Variants in MACROD2 observed in about 807,000 individuals in gnomAD.
MACROD2 encodes ADP-ribose glycohydrolase MACROD2.
A neutral mutation model predicts 70.4 loss-of-function variants in MACROD2; 36 were observed. The observed-to-expected ratio is 0.51, with a 90% CI of 0.39 to 0.68. The LOEUF is 0.68. MACROD2 is among the 30% of genes least tolerant of loss of function. The pLI is 0.00. For missense variants in MACROD2, 496 were observed against 538.4 expected (o/e 0.92, Z 0.78); for synonymous variants, 172 against 178.8 (o/e 0.96, Z 0.30).
chr20:14,001,774 G>A (rs1012884752), intron 1 of MACROD2, among the ~76,000 whole-genome samples: 2 of 152,012 alleles, frequency 1.3e-5, no homozygotes, highest in South Asian at 2.1e-4. Flanking sequence ...GGCACTTCAC[G>A]TGGCAAGAAC....
chr20:15,945,784 A>G (rs1386735549), intron 12 of MACROD2, among the ~76,000 whole-genome samples: 1 of 152,208 alleles, frequency 6.6e-6, no homozygotes, highest in Non-Finnish European at 1.5e-5. Context: ...CCCAAAAGCT[A>G]GAACCAGAAT....
intron 5 of MACROD2, among the ~76,000 whole-genome samples, chr20:14,956,534 C>A (rs2074538524): frequency 6.6e-6 from 1 of 151,954 alleles, no homozygotes; most frequent in Non-Finnish European, 1.5e-5. Flanking sequence ...ACCATGCCAC[C>A]CTGTGCTGTT....
rs1446092504 is a variant in MACROD2, at chr20:16,050,164, G to C, written c.*288G>C. On this transcript the variant is annotated 3_prime_UTR_variant, in exon 18 of 18. Coordinates refer to ENST00000684519, the MANE Select transcript of MACROD2 (RefSeq NM_001351661.2). Reference sequence around the variant, plus strand: ...TTTTCTCTTACAACTTTGCCCCAGGGTCACAGTGGCTTGATTGAACACTCA... The same window carrying C: ...TTTTCTCTTACAACTTTGCCCCAGGCTCACAGTGGCTTGATTGAACACTCA... 3.5e-6 allele frequency: 1 copy of C among 286,236 alleles called. No individual in the cohort carries two copies. The highest frequency in any genetic ancestry group is 2.2e-5 in the African/African-American group (1 of 45,414). The allele number at this position is 286,236 out of a possible 1,614,324, so 17.7% of individuals were successfully genotyped here. A position where few individuals can be genotyped will look rare whatever the true frequency, so the allele number is the denominator to read the frequency against.
chr20:14,355,456 G>A (rs1166719405), intron 3 of MACROD2, among the ~76,000 whole-genome samples: 1 of 152,122 alleles, frequency 6.6e-6, no homozygotes, highest in Non-Finnish European at 1.5e-5. Flanking sequence ...TAAGAAAGAC[G>A]TTCAGTGTAG....
intron 3 of MACROD2, among the ~76,000 whole-genome samples, chr20:14,197,738 G>A (rs2081444884): frequency 6.6e-6 from 1 of 151,694 alleles, no homozygotes; most frequent in African/African-American, 2.4e-5. Flanking sequence ...CTGCATTCCA[G>A]CCTGGGTGAC....
chr20:15,088,419 A>T (rs1235570034), intron 5 of MACROD2, among the ~76,000 whole-genome samples: 1 of 30,026 alleles, frequency 3.3e-5, no homozygotes, highest in African/African-American at 9.2e-5. Flanking sequence ...ATATATATAT[A>T]TATATATATA....
intron 4 of MACROD2, among the ~76,000 whole-genome samples, chr20:14,618,473 G>A (rs1038518067): frequency 5.9e-5 from 9 of 152,118 alleles, no homozygotes; most frequent in Non-Finnish European, 1.3e-4. Context: ...GATTACCCGA[G>A]TTAACTTGGG....
intron 5 of MACROD2, among the ~76,000 whole-genome samples, chr20:15,005,236 G>A (rs1470382105): frequency 1.3e-5 from 2 of 152,102 alleles, no homozygotes; most frequent in African/African-American, 4.8e-5. Flanking sequence ...GAAGAGACTG[G>A]AATTTCCTAT....
chr20:14,244,529 C>G (rs1259910479), intron 3 of MACROD2, among the ~76,000 whole-genome samples: 2 of 152,154 alleles, frequency 1.3e-5, no homozygotes, highest in Admixed American at 6.5e-5. Context: ...AGATTTGGAA[C>G]CTGGCATGAA....
intron 5 of MACROD2, chr20:14,905,140 C>G (rs542702097): frequency 6.6e-6 from 1 of 152,182 alleles, no homozygotes; most frequent in South Asian, 2.1e-4. Flanking sequence ...AGAAATACCA[C>G]AGAGTGATAT....
intron 8 of MACROD2, among the ~76,000 whole-genome samples, chr20:15,793,460 T>G (rs1409447908): frequency 6.6e-6 from 1 of 152,204 alleles, no homozygotes; most frequent in Non-Finnish European, 1.5e-5. Flanking sequence ...TATATGTATT[T>G]CTTTTGTTTT....
intron 3 of MACROD2, among the ~76,000 whole-genome samples, chr20:14,223,990 G>C (rs117895850): frequency 6.6e-6 from 1 of 152,142 alleles, no homozygotes. Flanking sequence ...AAGGTGATCC[G>C]TTGGCAGAAT....
At chr20:15,302,028 G>A (rs559021868) in intron 6 of MACROD2, among the ~76,000 whole-genome samples, 1 of 152,082 alleles carries the variant, frequency 6.6e-6, no homozygotes, top group Non-Finnish European at 1.5e-5. Flanking sequence ...CTGACAATCT[G>A]CTTGTTGGCA....
At chr20:15,367,333 T>C (rs1442071190) in intron 6 of MACROD2, among the ~76,000 whole-genome samples, 2 of 152,142 alleles carry the variant, frequency 1.3e-5, no homozygotes, top group African/African-American at 2.4e-5. Context: ...GCCCCAAAAA[T>C]TACTGATTTT....
intron 2 of MACROD2, among the ~76,000 whole-genome samples, chr20:14,012,516 A>G (rs948276503): frequency 6.6e-6 from 1 of 152,240 alleles, no homozygotes; most frequent in African/African-American, 2.4e-5. Flanking sequence ...TTTTTTTAAT[A>G]ATGACTCTTA....
intron 7 of MACROD2, among the ~76,000 whole-genome samples, chr20:15,452,533 T>A (rs2046657414): frequency 6.6e-6 from 1 of 152,196 alleles, no homozygotes. Context: ...TGATGTTAGA[T>A]CTGAAGTGGA....
intron 5 of MACROD2, among the ~76,000 whole-genome samples, chr20:15,072,235 G>C (rs973775843): frequency 6.6e-6 from 1 of 152,112 alleles, no homozygotes; most frequent in Non-Finnish European, 1.5e-5. Context: ...AGTTACAGGC[G>C]TGACTGATTT....
Position 14,832,496 on chromosome 20 carries a change from C to A in MACROD2, c.418+147537C>A, listed in dbSNP as rs368415822. Among the ~76,000 whole-genome samples the A allele has an allele frequency of 8.2e-4, 125 of 152,112 alleles. 1 individual carries two copies. The highest frequency in any genetic ancestry group is 2.7e-3 in the African/African-American group (114 of 41,522). ...CTTCTGTTCTGATGCAACCCCCTCACTGCTGCTTCCTAGAGGGACCTTCAG... is the reference window on the plus strand; with the variant it reads ...CTTCTGTTCTGATGCAACCCCCTCAATGCTGCTTCCTAGAGGGACCTTCAG... On this transcript the variant is annotated intron_variant, in intron 5 of 17. Transcript: ENST00000684519.
In MACROD2 at chr20:14,871,521, G is replaced by A. The variant is rs536192757; in HGVS notation, c.418+186562G>A. 1.2e-4 allele frequency among the ~76,000 whole-genome samples: 18 copies of A among 152,214 alleles called. No homozygotes were observed. The South Asian group carries it at 3.3e-3, about 28-fold the overall frequency. The stretch of plus-strand genomic sequence containing the variant: ...TACCTTACAGGAGCTCCTGAAGGAA[G>A]CACTAAATATGGAAAGGAAAGACTA... On this transcript the variant is annotated intron_variant, in intron 5 of 17. Transcript: ENST00000684519.
Sources: gnomAD v4.1 joint callset for allele counts (sites outside exome capture counted in the v4.1 genomes callset) on GRCh38, gnomAD v4.1.1 for gene constraint, MANE v1.5 for transcripts, NCBI Gene and HGNC (gene_info 2026-07-23, HGNC 2026-07-21) for gene names.